MYT1L: variants seen among roughly 807,000 people sequenced by gnomAD.
MYT1L encodes the protein myelin transcription factor 1 like.
In MYT1L, 12 loss-of-function variants were observed where a neutral mutation model predicts 126.7. The observed-to-expected ratio is 0.09, with a 90% CI of 0.06 to 0.15. The LOEUF (loss-of-function observed/expected upper bound fraction) is 0.15. Among genes scored for constraint, MYT1L ranks in the 10% least tolerant of loss-of-function variants. The probability of loss-of-function intolerance (pLI) is 1.00; values close to 1 mark genes in which losing one functional copy is unlikely to be tolerated. For synonymous variants in MYT1L, 541 were observed against 604.2 expected (o/e 0.90, Z 1.53); for missense variants, 979 against 1,585.2 (o/e 0.62, Z 6.49).
intron 1 of MYT1L, among the ~76,000 whole-genome samples, chr2:2,297,881 T>C (rs1186104447): frequency 6.6e-6 from 1 of 152,202 alleles, no homozygotes; most frequent in Admixed American, 6.5e-5. Context: ...AAGGGGATAT[T>C]GAGGATGCCT....
Position 1,886,583 on chromosome 2 carries a change from G to T in MYT1L, c.2667C>A (p.Asp889Glu), listed in dbSNP as rs2048197697. ...TGGCCAGCATACTTCGAATGCTTTT[G>T]TCCGCCAGGGGGCAGCCAGACAGAC... ...LITLSGCPLA[D>E]KSIRSMLATS... is the part of the protein sequence containing the mutation. Residue 889 changes from aspartate to glutamate, a missense_variant, in exon 18 of 25, where the codon GAC (aspartate) becomes GAA (glutamate). Physicochemically the swap from Asp to Glu is conservative, Grantham distance 45. Around this residue, in one of 12 missense-constraint regions of MYT1L, gnomAD observed 179 missense variants for 398.6 expected, o/e 0.45. Coordinates refer to ENST00000647738, the MANE Select transcript of MYT1L (RefSeq NM_001303052.2). 1 of 1,582,002 alleles carries T rather than the reference G, an allele frequency of 6.3e-7. No individual in the cohort carries two copies. Among genetic ancestry groups the T allele is most frequent in the East Asian group, 2.3e-5 (1 of 42,668 alleles).
intron 4 of MYT1L, among the ~76,000 whole-genome samples, chr2:2,050,343 G>C (rs1288801541): frequency 6.6e-6 from 1 of 152,114 alleles, no homozygotes; most frequent in Non-Finnish European, 1.5e-5. Context: ...GACACGATAT[G>C]CTTTTCTTTA....
Position 1,922,716 on chromosome 2 carries a change from C to A in MYT1L, c.1053G>T (p.Pro351=), listed in dbSNP as rs13399855. Residue 351 remains proline, a synonymous_variant, in exon 10 of 25, where the codon CCG becomes CCT. Coordinates refer to ENST00000647738, the MANE Select transcript of MYT1L (RefSeq NM_001303052.2). This position sits in a 1 kb window ranked among gnomAD's most constrained non-coding sequence, Gnocchi z 7.4. ...GCTGACGGATGTTCATGTTCTGCTGCGGATTCCTCTCCTGCGGGTTGGTCT... is the reference window on the plus strand; with the variant it reads ...GCTGACGGATGTTCATGTTCTGCTGAGGATTCCTCTCCTGCGGGTTGGTCT... ...LSETNPQERN[P]QQNMNIRQHV... The A allele has an allele frequency of 3.4e-4, 545 of 1,613,832 alleles. 2 individuals carry two copies. In the African/African-American group the frequency reaches 5.3e-3, roughly 16 times the overall value.
intron 14 of MYT1L, among the ~76,000 whole-genome samples, chr2:1,892,680 C>T (rs974169147): frequency 6.6e-6 from 1 of 151,974 alleles, no homozygotes; most frequent in Admixed American, 6.6e-5. Context: ...CAGTCAAATC[C>T]CAGTCGAGGC....
chr2:1,951,478 C>T (rs1224364341), intron 8 of MYT1L, among the ~76,000 whole-genome samples: 1 of 152,204 alleles, frequency 6.6e-6, no homozygotes, highest in East Asian at 1.9e-4. Context: ...GACACAACCA[C>T]AGACCTTCGG....
At chr2:2,166,911 C>T (rs996338228) in intron 3 of MYT1L, among the ~76,000 whole-genome samples, 1 of 152,120 alleles carries the variant, frequency 6.6e-6, no homozygotes, top group Non-Finnish European at 1.5e-5. Context: ...TTTTCTTTAA[C>T]AAAATGTTCT....
intron 8 of MYT1L, among the ~76,000 whole-genome samples, chr2:1,976,229 G>A (rs1419836979): frequency 2.6e-5 from 4 of 151,962 alleles, no homozygotes; most frequent in African/African-American, 9.7e-5. Context: ...TCAGGAACCT[G>A]ACAGCAAATG....
intron 18 of MYT1L, among the ~76,000 whole-genome samples, chr2:1,862,023 G>A (rs915849976): frequency 1.3e-5 from 2 of 152,142 alleles, no homozygotes; most frequent in African/African-American, 4.8e-5. Context: ...TCACACTCGG[G>A]GGTTACCTGA....
chr2:2,144,786 C>G (rs1055190112), intron 3 of MYT1L, among the ~76,000 whole-genome samples: 1 of 152,202 alleles, frequency 6.6e-6, no homozygotes, highest in African/African-American at 2.4e-5. Context: ...AATAGACTTT[C>G]ACAGGCTAGC....
chr2:1,854,711 C>T (rs188773530), intron 18 of MYT1L, among the ~76,000 whole-genome samples: 74 of 152,222 alleles, frequency 4.9e-4, no homozygotes, highest in Middle Eastern at 3.4e-3. Context: ...TCGAGTTGGG[C>T]GGGTGGGGCG....
intron 2 of MYT1L, among the ~76,000 whole-genome samples, chr2:2,238,223 G>A (rs1038976198): frequency 1.3e-5 from 2 of 152,162 alleles, no homozygotes; most frequent in African/African-American, 4.8e-5. Flanking sequence ...GTCATTATCT[G>A]CTGTTAGGAA....
intron 18 of MYT1L, among the ~76,000 whole-genome samples, chr2:1,883,490 C>A (rs1237373554): frequency 2.0e-5 from 3 of 152,194 alleles, no homozygotes; most frequent in Admixed American, 6.5e-5. Context: ...TGAAATGTCA[C>A]GAGAAGAAAC....
At chr2:2,247,399 C>T (rs1003638524) in intron 2 of MYT1L, among the ~76,000 whole-genome samples, 44 of 152,048 alleles carry the variant, frequency 2.9e-4, no homozygotes, top group African/African-American at 9.9e-4. Flanking sequence ...ATTATTAGAG[C>T]GAAAGAGACA....
intron 3 of MYT1L, among the ~76,000 whole-genome samples, chr2:2,084,127 T>A (rs1411848257): frequency 6.6e-6 from 1 of 151,726 alleles, no homozygotes. Context: ...TATACTCATT[T>A]TAGTATAGAC....
intron 13 of MYT1L, among the ~76,000 whole-genome samples, chr2:1,904,184 C>G (rs1371998982): frequency 6.6e-6 from 1 of 152,152 alleles, no homozygotes; most frequent in Admixed American, 6.5e-5. Context: ...GTATTTGGAT[C>G]TGACCAGTTT....
At chr2:2,002,626 G>T (rs1012547416) in intron 4 of MYT1L, among the ~76,000 whole-genome samples, 1 of 152,168 alleles carries the variant, frequency 6.6e-6, no homozygotes, top group Non-Finnish European at 1.5e-5. Flanking sequence ...ACAGGGTAGG[G>T]TCAATGTTTT....
chr2:1,856,516 A>G (rs2043944145), intron 18 of MYT1L, among the ~76,000 whole-genome samples: 1 of 152,174 alleles, frequency 6.6e-6, no homozygotes, highest in Admixed American at 6.5e-5. Context: ...TGTCCTTCCC[A>G]GGACATAAAC....
chr2:2,117,109 G>A (rs1266989892), intron 3 of MYT1L, among the ~76,000 whole-genome samples: 4 of 152,158 alleles, frequency 2.6e-5, no homozygotes, highest in Non-Finnish European at 5.9e-5. Flanking sequence ...CCACCCTTGC[G>A]TTCCCTCTGC....
At chr2:2,019,621 T>C (rs530671858) in intron 4 of MYT1L, among the ~76,000 whole-genome samples, 65 of 152,290 alleles carry the variant, frequency 4.3e-4, no homozygotes, top group African/African-American at 1.5e-3. Flanking sequence ...TCCATGTCAT[T>C]CTCTGCCATG....
Sources: gnomAD v4.1 joint callset for allele counts (sites outside exome capture counted in the v4.1 genomes callset) on GRCh38, gnomAD v4.1.1 for gene constraint, gnomAD v4.1.1 regional missense constraint, Gnocchi (gnomAD v3.1) non-coding constraint, MANE v1.5 for transcripts, NCBI Gene and HGNC (gene_info 2026-07-23, HGNC 2026-07-21) for gene names.